OR51B5: variants seen among roughly 807,000 people sequenced by gnomAD.
OR51B5 encodes olfactory receptor family 51 subfamily B member 5, also known as olfactory receptor 51B5.
For missense variants in OR51B5, 456 were observed against 374.6 expected (o/e 1.22, Z -1.79); for synonymous variants, 186 against 144.8 (o/e 1.28, Z -2.04).
intron 1 of OR51B5, among the ~76,000 whole-genome samples, chr11:5,446,717 T>C (rs546770647): frequency 1.3e-5 from 2 of 152,328 alleles, no homozygotes; most frequent in African/African-American, 2.4e-5. Context: ...GCCATGCCTA[T>C]ATCCCATTCT....
intron 1 of OR51B5, among the ~76,000 whole-genome samples, chr11:5,450,074 G>T (rs1268165933): frequency 2.0e-5 from 3 of 152,032 alleles, no homozygotes; most frequent in African/African-American, 4.8e-5. Context: ...AGCCATAAAG[G>T]ATCTCAGAGA....
chr11:5,418,983 T>G (rs141709397), intron 1 of OR51B5, among the ~76,000 whole-genome samples: 276 of 152,272 alleles, frequency 1.8e-3, no homozygotes, highest in African/African-American at 6.3e-3. Flanking sequence ...TTCTGATTAT[T>G]TCTTGAGGCA....
chr11:5,450,258 AG>A (rs1223065961), intron 1 of OR51B5, among the ~76,000 whole-genome samples: 1 of 152,036 alleles, frequency 6.6e-6, no homozygotes, highest in African/African-American at 2.4e-5. Context: ...GCGTGGTGGC[AG>A]GCGCCTGTAA....
intron 1 of OR51B5, among the ~76,000 whole-genome samples, chr11:5,460,951 G>C (rs1013852294): frequency 6.6e-6 from 1 of 152,218 alleles, no homozygotes. Flanking sequence ...CTGTTGCACT[G>C]GAGGGGCCAA....
chr11:5,495,618 C>A (rs754145819), intron 1 of OR51B5, among the ~76,000 whole-genome samples: 4 of 152,084 alleles, frequency 2.6e-5, no homozygotes, highest in Admixed American at 1.3e-4. Flanking sequence ...GAGATCAATG[C>A]ATATCACTAC....
intron 1 of OR51B5, chr11:5,454,986 T>TC (rs1850928896): frequency 6.6e-6 from 1 of 152,462 alleles, no homozygotes; most frequent in Non-Finnish European, 1.5e-5. Flanking sequence ...GCCTTTGCTT[T>TC]CCCCACCACT....
intron 1 of OR51B5, among the ~76,000 whole-genome samples, chr11:5,463,076 G>A (rs1851083379): frequency 6.6e-6 from 1 of 152,124 alleles, no homozygotes; most frequent in Non-Finnish European, 1.5e-5. Context: ...GGTGGGTGTG[G>A]TTTCATTCAT....
intron 1 of OR51B5, among the ~76,000 whole-genome samples, chr11:5,485,254 T>G (rs1250257079): frequency 5.3e-5 from 8 of 152,174 alleles, no homozygotes; most frequent in Non-Finnish European, 1.2e-4. Flanking sequence ...GACATAAAAA[T>G]AACCTTCCTC....
intron 1 of OR51B5, among the ~76,000 whole-genome samples, chr11:5,504,298 C>T (rs978752137): frequency 3.3e-5 from 5 of 152,240 alleles, no homozygotes; most frequent in African/African-American, 1.2e-4. Flanking sequence ...TTGTTATCCA[C>T]ATCAGCTCTC....
intron 1 of OR51B5, among the ~76,000 whole-genome samples, chr11:5,396,334 C>T (rs1289680840): frequency 6.6e-6 from 1 of 152,142 alleles, no homozygotes; most frequent in African/African-American, 2.4e-5. Context: ...TTGTCTCAGC[C>T]CAAAATCCCC....
chr11:5,477,937 G>T (rs1851340874), intron 1 of OR51B5, among the ~76,000 whole-genome samples: 1 of 151,952 alleles, frequency 6.6e-6, no homozygotes, highest in East Asian at 1.9e-4. Context: ...GCTGGGGAGG[G>T]GCGCCCGCCA....
Position 5,352,207 on chromosome 11 carries a change from A to G in OR51B5, n.85-5297T>C. ...CATTGGTTCTGGAGGAGAAAGGGCC[A>G]AGGCCCTCAACACATGTGTCTCTCA... On this transcript the variant is annotated intron_variant and non_coding_transcript_variant, in intron 1 of 4. Coordinates refer to the OR51B5 transcript ENST00000415970. 2 of 1,613,940 alleles carry G rather than the reference A, an allele frequency of 1.2e-6. No homozygotes were observed. The highest frequency in any genetic ancestry group is 8.5e-7 in the Non-Finnish European group (1 of 1,179,778).
intron 1 of OR51B5, among the ~76,000 whole-genome samples, chr11:5,421,516 T>A (rs981740630): frequency 1.3e-5 from 2 of 152,266 alleles, no homozygotes; most frequent in East Asian, 3.8e-4. Flanking sequence ...TAAACAGACT[T>A]CTGACTATTT....
intron 1 of OR51B5, among the ~76,000 whole-genome samples, chr11:5,477,565 G>T (rs960553920): frequency 6.6e-6 from 1 of 152,230 alleles, no homozygotes; most frequent in African/African-American, 2.4e-5. Context: ...GAGCAACGCA[G>T]AAGACGGGTG....
intron 1 of OR51B5, among the ~76,000 whole-genome samples, chr11:5,416,823 A>G (rs1850251957): frequency 6.6e-6 from 1 of 151,864 alleles, no homozygotes; most frequent in Non-Finnish European, 1.5e-5. Flanking sequence ...GGGTAGGAAG[A>G]ATCAATATTG....
At position 5,397,940 on chromosome 11, in the gene OR51B5, CT is replaced by C. The variant is rs1356096175; in HGVS notation, n.85-51031del. 4.6e-3 allele frequency among the ~76,000 whole-genome samples: 503 copies of C among 109,000 alleles called. 5 individuals are homozygous for C. The highest frequency in any genetic ancestry group is 0.022 in the African/African-American group (478 of 21,824). 71.5% of individuals were successfully genotyped at this position (109,000 alleles called of 152,430 possible). Reference sequence around the variant, plus strand: ...GCTGGAAACCATCATTCTCAGCAAACTATCACAAGGACAAAAAGCCAAACAC... The same window carrying C: ...GCTGGAAACCATCATTCTCAGCAAACATCACAAGGACAAAAAGCCAAACAC... On this transcript the variant is annotated intron_variant and non_coding_transcript_variant, in intron 1 of 4. Coordinates refer to the OR51B5 transcript ENST00000415970.
intron 1 of OR51B5, among the ~76,000 whole-genome samples, chr11:5,393,504 C>T (rs941520036): frequency 2.6e-5 from 4 of 151,776 alleles, no homozygotes; most frequent in East Asian, 1.9e-4. Flanking sequence ...CTATCTTTGC[C>T]GTATACAAAT....
At chr11:5,369,605 T>C (rs1735346995) in intron 1 of OR51B5, among the ~76,000 whole-genome samples, 1 of 152,178 alleles carries the variant, frequency 6.6e-6, no homozygotes, top group Non-Finnish European at 1.5e-5. Flanking sequence ...CCATGTATAT[T>C]AAATATAAAG....
intron 1 of OR51B5, among the ~76,000 whole-genome samples, chr11:5,487,288 T>G (rs1254285701): frequency 2.2e-4 from 33 of 152,224 alleles, no homozygotes; most frequent in Non-Finnish European, 7.4e-5. Flanking sequence ...TAGGAAAAAA[T>G]AGGGGAATTA....
Sources: allele counts gnomAD v4.1 joint callset (sites outside exome capture counted in the v4.1 genomes callset), GRCh38; gene constraint gnomAD v4.1.1; transcripts MANE v1.5; gene names NCBI Gene and HGNC (gene_info 2026-07-23, HGNC 2026-07-21).